The following NCOA2 variants were observed in gnomAD, a reference collection of about 807,000 sequenced individuals.
NCOA2 encodes the protein class E basic helix-loop-helix protein 75.
NCOA2 carries 21 observed loss-of-function variants against 145.1 expected under a neutral mutation model. The observed-to-expected ratio is 0.14, with a 90% CI of 0.10 to 0.21. The LOEUF is 0.21. NCOA2 is among the 10% of genes least tolerant of loss of function. The pLI, the probability that NCOA2 is intolerant of heterozygous loss-of-function variation, is 1.00. For missense variants in NCOA2, 1,472 were observed against 1,837.6 expected, an observed-to-expected ratio of 0.80 and a Z score of 3.64; for synonymous variants, 619 against 637.5, an observed-to-expected ratio of 0.97 and a Z score of 0.44.
At chr8:70,455,161 A>G in the NCOA2 span, among the ~76,000 whole-genome samples, 1 of 152,212 alleles carries the variant, frequency 6.6e-6, no homozygotes, top group Non-Finnish European at 1.5e-5. Context: ...TACTTTTTTA[A>G]AAAACCAGGA....
At chr8:70,394,499 G>A (rs976621668) in intron 1 of NCOA2, among the ~76,000 whole-genome samples, 5 of 152,132 alleles carry the variant, frequency 3.3e-5, no homozygotes, top group African/African-American at 1.2e-4. Context: ...CATCACACTT[G>A]TATGAAAAAG....
the NCOA2 span, among the ~76,000 whole-genome samples, chr8:70,428,803 G>T: frequency 6.6e-6 from 1 of 151,966 alleles, no homozygotes; most frequent in East Asian, 1.9e-4. Flanking sequence ...AGGGCAAATT[G>T]CTCAGCGAGC....
At chr8:70,161,930 C>T in intron 9 of NCOA2, among the ~76,000 whole-genome samples, 1 of 151,688 alleles carries the variant, frequency 6.6e-6, no homozygotes, top group East Asian at 1.9e-4. Context: ...AACAACAATG[C>T]ACTTGAGAAA....
chr8:70,283,832 G>A (rs1197127627), intron 2 of NCOA2, among the ~76,000 whole-genome samples: 2 of 152,114 alleles, frequency 1.3e-5, no homozygotes, highest in African/African-American at 2.4e-5. Context: ...ACGTTCCAGT[G>A]AGCATTTCCT....
rs1239690862 is a variant in NCOA2 at position 70,156,213 on chromosome 8, C to T, written c.2152G>A (p.Glu718Lys). The part of the protein sequence containing the change: ...AEATGKDLSQ[E>K]SSSTAPGSEV... The stretch of plus-strand genomic sequence containing the variant: ...GATCCAGGAGCTGTGCTGCTGGACT[C>T]CTGGCTCAGGTCTTTGCCTGTGGCT... The change falls in exon 11 of 23, where the codon GAG (glutamate) becomes AAG (lysine). Residue 718 changes from glutamate (E) to lysine (K), a missense_variant. Coordinates refer to ENST00000452400, the MANE Select transcript of NCOA2 (RefSeq NM_006540.4). 2 of 1,613,836 alleles carry T rather than the reference C, an allele frequency of 1.2e-6. No homozygotes were observed. Among genetic ancestry groups the T allele is most frequent in the Middle Eastern group, 1.6e-4 (1 of 6,084 alleles).
chr8:70,299,016 C>T lies in NCOA2; in HGVS notation c.-76-2216G>A, dbSNP rs188287758. ...CAGAGCTTGCAGTGAGCCGAGATCG[C>T]GCCACTATACTCCAGCCTGGGCGAC... On this transcript the variant is annotated intron_variant, in intron 1 of 22. Transcript: ENST00000452400. Among the ~76,000 whole-genome samples the T allele has an allele frequency of 6.9e-3, 1,052 of 152,004 alleles. 8 individuals are homozygous for T. Among genetic ancestry groups the T allele is most frequent in the Middle Eastern group, 0.031 (9 of 294 alleles).
intron 2 of NCOA2, among the ~76,000 whole-genome samples, chr8:70,219,934 G>T (rs1819999103): frequency 6.6e-6 from 1 of 152,122 alleles, no homozygotes; most frequent in Admixed American, 6.5e-5. Flanking sequence ...GGGCAATGCA[G>T]AAGTGACACA....
chr8:70,113,750 C>T, intron 22 of NCOA2, 107 bp from the exon 23 acceptor site: 1 of 1,113,292 alleles, frequency 9.0e-7, no homozygotes, highest in Non-Finnish European at 1.3e-6. Context: ...TTCAATAAAG[C>T]AAATCACAGA....
At chr8:70,383,139 G>GGTA (rs1463784056) in intron 1 of NCOA2, among the ~76,000 whole-genome samples, 1 of 152,228 alleles carries the variant, frequency 6.6e-6, no homozygotes, top group Non-Finnish European at 1.5e-5. Flanking sequence ...CGTGCACACA[G>GGTA]GTACGCGCTT....
intron 1 of NCOA2, among the ~76,000 whole-genome samples, chr8:70,352,315 G>C (rs1245520698): frequency 6.6e-6 from 1 of 152,100 alleles, no homozygotes; most frequent in Non-Finnish European, 1.5e-5. Flanking sequence ...CCAATGTCCA[G>C]AAGTTTATAT....
chr8:70,237,038 A>G (rs1821678387), intron 2 of NCOA2, among the ~76,000 whole-genome samples: 1 of 152,220 alleles, frequency 6.6e-6, no homozygotes, highest in Admixed American at 6.5e-5. Flanking sequence ...CTAGGCCCTT[A>G]TTAGAATGCC....
In NCOA2 at chr8:70,126,516, C is replaced by A. The variant is rs576693955; in HGVS notation, c.3916+297G>T. ...ATTGACATAAACATAGATCCATACACGCTCGCACACAAGATAGACACAGTC... is the reference window on the plus strand; with the variant it reads ...ATTGACATAAACATAGATCCATACAAGCTCGCACACAAGATAGACACAGTC... On this transcript the variant is annotated intron_variant, in intron 19 of 22. Transcript: ENST00000452400. 4.0e-4 allele frequency: 165 copies of A among 410,136 alleles called. 3 individuals carry two copies. Among genetic ancestry groups the A allele is most frequent in the African/African-American group, 2.9e-3 (148 of 51,462 alleles). The allele number at this position is 410,136 out of a possible 1,614,324, so 25.4% of individuals were successfully genotyped here.
rs185732672 is a variant in NCOA2, at chr8:70,345,391, C to T, written c.-76-48591G>A. Among the ~76,000 whole-genome samples the T allele has an allele frequency of 1.7e-3, 257 of 152,328 alleles. 2 individuals carry two copies. The highest frequency in any genetic ancestry group is 5.6e-3 in the African/African-American group (231 of 41,562). ...TCCCACAGGATTAACAGCACATCCA[C>T]TCAACAACTGACCCAATATGTACTA... On this transcript the variant is annotated intron_variant, in intron 1 of 22. Transcript: ENST00000452400.
chr8:70,328,374 A>G (rs527530423), intron 1 of NCOA2, among the ~76,000 whole-genome samples: 10 of 152,240 alleles, frequency 6.6e-5, no homozygotes, highest in South Asian at 2.1e-4. Flanking sequence ...TTTCTACGCA[A>G]TAAGTTTGTG....
chr8:70,399,737 A>G (rs1288951897), intron 1 of NCOA2, among the ~76,000 whole-genome samples: 2 of 152,282 alleles, frequency 1.3e-5, no homozygotes, highest in Non-Finnish European at 2.9e-5. Context: ...ATGAGGGCAC[A>G]TGCTGTGCAT....
intron 2 of NCOA2, among the ~76,000 whole-genome samples, chr8:70,260,463 T>C (rs1384382814): frequency 1.3e-5 from 2 of 152,216 alleles, no homozygotes; most frequent in Non-Finnish European, 2.9e-5. Flanking sequence ...ATCTCAAATG[T>C]ATTATTTCTT....
At chr8:70,160,462 C>T (rs998534974) in intron 9 of NCOA2, among the ~76,000 whole-genome samples, 1 of 151,978 alleles carries the variant, frequency 6.6e-6, no homozygotes, top group African/African-American at 2.4e-5. Context: ...TTATAACTGT[C>T]TTATATCACC....
rs1691301854 is a variant in NCOA2 at position 70,273,609 on chromosome 8, T to C, written c.-20+23135A>G. The C allele has an allele frequency of 6.7e-6, 5 of 741,848 alleles. 1 individual carries two copies. The highest frequency in any genetic ancestry group is 1.2e-5 in the Non-Finnish European group (5 of 414,252). 46.0% of individuals were successfully genotyped at this position (741,848 alleles called of 1,614,324 possible). A position where few individuals can be genotyped will look rare whatever the true frequency, so the allele number is the denominator to read the frequency against. ...CCTAAAGCCCAGACATCTCTGGCAG[T>C]GAACACTTTCACCATTACAGGCTAT... On this transcript the variant is annotated intron_variant, in intron 2 of 22. Transcript: ENST00000452400.
intron 3 of NCOA2, 64 bp from the exon 4 acceptor site, chr8:70,214,139 G>A (rs148763283): frequency 4.5e-5 from 66 of 1,459,008 alleles, no homozygotes; most frequent in African/African-American, 1.6e-4. Flanking sequence ...AAAAATGAAC[G>A]TGTTAAACAA....
Sources: gnomAD v4.1 joint callset for allele counts (sites outside exome capture counted in the v4.1 genomes callset) on GRCh38, gnomAD v4.1.1 for gene constraint, MANE v1.5 for transcripts, NCBI Gene and HGNC (gene_info 2026-07-23, HGNC 2026-07-21) for gene names.